Variants in MAF observed in about 807,000 individuals in gnomAD.
The protein encoded by MAF is MAF bZIP transcription factor, also known as transcription factor Maf.
Under a neutral mutation model 22.0 loss-of-function variants are expected in MAF, and 10 were observed. The ratio of observed to expected loss-of-function variants is 0.45; its 90% CI spans 0.28 to 0.77. The LOEUF (loss-of-function observed/expected upper bound fraction) is 0.77. Among genes scored for constraint, MAF ranks in the 30% least tolerant of loss-of-function variants. MAF has a pLI of 0.12. For missense variants in MAF, 544 were observed against 548.4 expected, an observed-to-expected ratio of 0.99 and a Z score of 0.08; for synonymous variants, 337 against 255.8, an observed-to-expected ratio of 1.32 and a Z score of -3.03.
chr16:79,251,197 G>C, the MAF span, among the ~76,000 whole-genome samples: 2 of 152,094 alleles, frequency 1.3e-5, no homozygotes, highest in Non-Finnish European at 2.9e-5. Context: ...CTTAAACCCT[G>C]TGTCAAAATT....
chr16:79,283,814 C>G, the MAF span, among the ~76,000 whole-genome samples: 2 of 152,090 alleles, frequency 1.3e-5, no homozygotes, highest in Non-Finnish European at 2.9e-5. Context: ...CTCCAGAGAC[C>G]TTGGGCAGAT....
At chr16:79,563,130 A>G in the MAF span, among the ~76,000 whole-genome samples, 53 of 152,298 alleles carry the variant, frequency 3.5e-4, no homozygotes, top group African/African-American at 1.2e-3. Context: ...GTACGGGCTG[A>G]AGGCTGTACC....
downstream of MAF, among the ~76,000 whole-genome samples, chr16:79,590,322 G>C (rs1597837186): frequency 1.3e-5 from 2 of 152,144 alleles, no homozygotes; most frequent in Admixed American, 1.3e-4. Flanking sequence ...CAAGACCATT[G>C]CACCAAAAGC....
the MAF span, among the ~76,000 whole-genome samples, chr16:79,371,787 A>G: frequency 6.6e-6 from 1 of 152,246 alleles, no homozygotes; most frequent in Non-Finnish European, 1.5e-5. Context: ...GAATGTTCTA[A>G]AAGGCCAACA....
the MAF span, among the ~76,000 whole-genome samples, chr16:79,482,569 T>C: frequency 1.2e-4 from 19 of 152,172 alleles, no homozygotes; most frequent in East Asian, 3.3e-3. Context: ...AATGAGGAGT[T>C]CACCAACTTC....
the MAF span, among the ~76,000 whole-genome samples, chr16:79,554,300 C>A: frequency 7.9e-5 from 12 of 152,142 alleles, no homozygotes; most frequent in African/African-American, 2.9e-4. Context: ...ATCTGAAAGA[C>A]AAGTGATCAA....
At chr16:79,346,034 C>CT in the MAF span, among the ~76,000 whole-genome samples, 16 of 151,166 alleles carry the variant, frequency 1.1e-4, no homozygotes, top group African/African-American at 2.7e-4. Flanking sequence ...AGGGCTCATT[C>CT]TTTTTTTTTA....
the MAF span, among the ~76,000 whole-genome samples, chr16:79,500,776 T>C: frequency 6.6e-6 from 1 of 152,298 alleles, no homozygotes; most frequent in South Asian, 2.1e-4. Context: ...GCAGACTGAC[T>C]TCCTGCTGGA....
chr16:79,467,021 A>G, the MAF span, among the ~76,000 whole-genome samples: 5 of 152,196 alleles, frequency 3.3e-5, no homozygotes, highest in African/African-American at 1.2e-4. Context: ...CCTCCAAGCC[A>G]TGCCCCTAAG....
the MAF span, among the ~76,000 whole-genome samples, chr16:79,227,000 G>C: frequency 6.6e-6 from 1 of 151,988 alleles, no homozygotes; most frequent in Non-Finnish European, 1.5e-5. Flanking sequence ...ATGGCACCAA[G>C]AAACATATAT....
At chr16:79,258,456 G>A in the MAF span, among the ~76,000 whole-genome samples, 9 of 152,154 alleles carry the variant, frequency 5.9e-5, no homozygotes, top group Non-Finnish European at 1.5e-5. Context: ...GCCTTGTGGG[G>A]TCCAAGCCCA....
chr16:79,211,463 C>A, the MAF span: 6 of 999,348 alleles, frequency 6.0e-6, 1 homozygote, highest in South Asian at 5.6e-5. Context: ...CATGTGCTTT[C>A]AGCCCAGTAC....
chr16:79,404,132 G>C, the MAF span, among the ~76,000 whole-genome samples: 4 of 150,738 alleles, frequency 2.7e-5, no homozygotes, highest in Admixed American at 1.3e-4. Context: ...ATTTGTAGGA[G>C]CCCTTAACAT....
the MAF span, among the ~76,000 whole-genome samples, chr16:79,364,997 G>T: frequency 1.6e-4 from 24 of 152,182 alleles, no homozygotes; most frequent in African/African-American, 5.6e-4. Flanking sequence ...GTTTGTAGAG[G>T]CAAGACAAAA....
At chr16:79,569,703 A>C in the MAF span, among the ~76,000 whole-genome samples, 1 of 151,552 alleles carries the variant, frequency 6.6e-6, no homozygotes, top group African/African-American at 2.4e-5. Flanking sequence ...TGAAAAAATT[A>C]TTGATGCCTG....
the MAF span, chr16:79,211,787 G>A: frequency 1.9e-6 from 3 of 1,614,000 alleles, no homozygotes; most frequent in Non-Finnish European, 8.5e-7. Context: ...TTGGCAGCCA[G>A]TCCGGCTAAG....
chr16:79,515,197 G>GTCATTT, the MAF span, among the ~76,000 whole-genome samples: 2 of 152,328 alleles, frequency 1.3e-5, no homozygotes, highest in South Asian at 2.1e-4. Context: ...CATTGTCATT[G>GTCATTT]TCATCCACTT....
At chr16:79,430,189 A>T in the MAF span, among the ~76,000 whole-genome samples, 1 of 152,208 alleles carries the variant, frequency 6.6e-6, no homozygotes, top group Non-Finnish European at 1.5e-5. Flanking sequence ...TGGAAAGGAA[A>T]GAAAGGTAGC....
the MAF span, among the ~76,000 whole-genome samples, chr16:79,419,586 C>G: frequency 1.3e-5 from 2 of 152,166 alleles, no homozygotes; most frequent in Non-Finnish European, 2.9e-5. Flanking sequence ...CTCTTATCTT[C>G]CATGTCTGTT....
Sources: gnomAD v4.1 joint callset for allele counts (sites outside exome capture counted in the v4.1 genomes callset) on GRCh38, gnomAD v4.1.1 for gene constraint, MANE v1.5 for transcripts, NCBI Gene and HGNC (gene_info 2026-07-23, HGNC 2026-07-21) for gene names.